The following UGGT1 variants were observed in gnomAD, a reference collection of about 807,000 sequenced individuals.
UGGT1 encodes the protein UDP-glucose:glycoprotein glucosyltransferase 1.
In UGGT1, 107 loss-of-function variants were observed where a neutral mutation model predicts 203.9. The ratio of observed to expected loss-of-function variants is 0.52; its 90% CI spans 0.45 to 0.62. The LOEUF is 0.62. UGGT1 is among the 20% of genes least tolerant of loss of function. The pLI is 0.00. For missense variants in UGGT1, 1,673 were observed against 1,867.2 expected (o/e 0.90, Z 1.92); for synonymous variants, 628 against 653.5 (o/e 0.96, Z 0.59).
intron 8 of UGGT1, among the ~76,000 whole-genome samples, chr2:128,117,646 C>G (rs953699003): frequency 1.3e-5 from 2 of 151,450 alleles, no homozygotes; most frequent in Non-Finnish European, 2.9e-5. Context: ...TGGGTTCACG[C>G]TATTCTCCTG....
rs1692246113 is a variant in UGGT1 at position 128,191,140 on chromosome 2, C to G, written c.*1398C>G. 6.6e-6 allele frequency: 1 copy of G among 152,244 alleles called. No homozygotes were observed. The highest frequency in any genetic ancestry group is 1.5e-5 in the Non-Finnish European group (1 of 68,040). 9.4% of individuals were successfully genotyped at this position (152,244 alleles called of 1,614,324 possible). A position where few individuals can be genotyped will look rare whatever the true frequency, so the allele number is the denominator to read the frequency against. On this transcript the variant is annotated 3_prime_UTR_variant, in exon 41 of 41. Transcript: ENST00000259253. ...GTCTTCCAACGTGCACCAGCCTTTT[C>G]TTACATATTTTGCCTGTTTTTAAAA...
intron 17 of UGGT1, 146 bp downstream of exon 17, chr2:128,143,371 C>A: frequency 1.0e-6 from 1 of 972,882 alleles, no homozygotes; most frequent in Non-Finnish European, 1.4e-6. Context: ...GATCACTTTT[C>A]AGTGTTTGAA....
chr2:128,116,932 C>T (rs1688129424), intron 8 of UGGT1, among the ~76,000 whole-genome samples: 1 of 151,860 alleles, frequency 6.6e-6, no homozygotes, highest in Admixed American at 6.6e-5. Flanking sequence ...TTTTTGATTG[C>T]CATAAGAGGA....
At chr2:128,146,984 CTG>C (rs1689723505) in intron 18 of UGGT1, among the ~76,000 whole-genome samples, 1 of 152,218 alleles carries the variant, frequency 6.6e-6, no homozygotes, top group Non-Finnish European at 1.5e-5. Flanking sequence ...TCGGGCCCCA[CTG>C]TGCATCAACC....
chr2:128,173,739 T>C (rs752689293), intron 29 of UGGT1, 42 bp from the exon 30 acceptor site: 2 of 1,601,822 alleles, frequency 1.2e-6, no homozygotes, highest in South Asian at 1.1e-5. Context: ...TTTATTCATG[T>C]TGTCTCTGAG....
In UGGT1 at chr2:128,107,960, T is replaced by C. The variant is rs1286522355; in HGVS notation, c.300T>C (p.His100=). ...DHDGTDYSYY[H]AILEAAFQFL... ...CAGGTACCGATTATTCCTACTATCA[T>C]GCAATATTGGAGGCTGCATTTCAGT... Residue 100 remains histidine, a synonymous_variant, in exon 4 of 41, where the codon CAT becomes CAC. Coordinates refer to ENST00000259253, the MANE Select transcript of UGGT1 (RefSeq NM_020120.4). 4.3e-6 allele frequency: 7 copies of C among 1,614,184 alleles called. No homozygotes were observed. In the East Asian group the frequency reaches 1.3e-4, roughly 31 times the overall value.
chr2:128,131,903 A>G (rs1028875401), intron 13 of UGGT1, among the ~76,000 whole-genome samples: 4 of 152,122 alleles, frequency 2.6e-5, no homozygotes, highest in African/African-American at 9.7e-5. Flanking sequence ...CTGGGATTAC[A>G]GGCGTGAGCC....
intron 11 of UGGT1, among the ~76,000 whole-genome samples, chr2:128,126,992 C>CT (rs1558772979): frequency 1.3e-5 from 2 of 151,962 alleles, no homozygotes; most frequent in Non-Finnish European, 2.9e-5. Flanking sequence ...CTGGATCAGC[C>CT]TTTTTTTATC....
At chr2:128,120,905 T>C (rs536704851) in intron 9 of UGGT1, among the ~76,000 whole-genome samples, 38 of 152,330 alleles carry the variant, frequency 2.5e-4, no homozygotes, top group African/African-American at 8.9e-4. Flanking sequence ...ATTGTAAATT[T>C]AGAAAAGGGA....
chr2:128,098,546 A>G (rs1687217721), intron 2 of UGGT1, among the ~76,000 whole-genome samples: 1 of 152,200 alleles, frequency 6.6e-6, no homozygotes, highest in South Asian at 2.1e-4. Flanking sequence ...GCTTGAGTCC[A>G]GGAATTTGAG....
chr2:128,120,331 G>T, intron 8 of UGGT1, 25 bp from the exon 9 acceptor site: 3 of 1,594,382 alleles, frequency 1.9e-6, no homozygotes, highest in Non-Finnish European at 2.6e-6. Flanking sequence ...ATAATGAAAA[G>T]GACTGATTTT....
intron 26 of UGGT1, among the ~76,000 whole-genome samples, chr2:128,166,318 G>T (rs1260132639): frequency 6.6e-6 from 1 of 152,178 alleles, no homozygotes; most frequent in Non-Finnish European, 1.5e-5. Flanking sequence ...CATACACACG[G>T]TCATATTTTT....
chr2:128,153,536 C>T (rs1690082230), intron 19 of UGGT1, among the ~76,000 whole-genome samples: 1 of 152,162 alleles, frequency 6.6e-6, no homozygotes, highest in South Asian at 2.1e-4. Context: ...TTCCCCTATC[C>T]TCTGGCAACA....
chr2:128,093,180 T>TC (rs1686950384), intron 1 of UGGT1, among the ~76,000 whole-genome samples: 1 of 152,158 alleles, frequency 6.6e-6, no homozygotes, highest in Non-Finnish European at 1.5e-5. Flanking sequence ...GCTGCATCTC[T>TC]CCCCAAGAAC....
chr2:128,132,374 C>T (rs760388975), intron 13 of UGGT1, among the ~76,000 whole-genome samples: 5 of 151,996 alleles, frequency 3.3e-5, no homozygotes, highest in Non-Finnish European at 7.4e-5. Flanking sequence ...ATGGCGAAAC[C>T]CCACCTCTAC....
intron 15 of UGGT1, among the ~76,000 whole-genome samples, chr2:128,135,948 A>G (rs950988965): frequency 6.6e-6 from 1 of 152,262 alleles, no homozygotes; most frequent in Non-Finnish European, 1.5e-5. Flanking sequence ...GATCACAACC[A>G]GAGCTATGTT....
intron 11 of UGGT1, 131 bp downstream of exon 11, chr2:128,123,377 G>C: frequency 1.2e-6 from 1 of 803,890 alleles, no homozygotes; most frequent in Non-Finnish European, 1.9e-6. Context: ...TCATTTCTGT[G>C]ATCTTTGCAT....
chr2:128,109,715 C>A lies in UGGT1; in HGVS notation c.490C>A (p.Leu164Ile). ...HGKKTCESDT[L>I]EALLLTASER... ...AAAGAAGACTTGTGAATCTGATACC[C>A]TTGAGGCTCTTCTACTGACAGCCTC... Residue 164 changes from leucine to isoleucine, a missense_variant, in exon 5 of 41, where the codon CTT (leucine) becomes ATT (isoleucine). Physicochemically the swap from Leu to Ile is conservative, Grantham distance 5. Around this residue, in one of 4 missense-constraint regions of UGGT1, gnomAD observed 1,073 missense variants for 1,078.7 expected, o/e 0.99. Transcript: ENST00000259253. The A allele has an allele frequency of 6.2e-7, 1 of 1,614,064 alleles. No homozygotes were observed. Among genetic ancestry groups the A allele is most frequent in the South Asian group, 1.1e-5 (1 of 91,076 alleles).
Position 128,091,272 on chromosome 2 carries a change from G to GCGCAGCCTGCACTGC in UGGT1, c.-82_-68dup. On this transcript the variant is annotated 5_prime_UTR_variant, in exon 1 of 41. Coordinates refer to ENST00000259253, the MANE Select transcript of UGGT1 (RefSeq NM_020120.4). ...AAAGGCGCGTGTCGGCCTCTCACTG[G>GCGCAGCCTGCACTGC]CGCAGCCTGCACTGCCGCTGCCGCC... 7.3e-7 allele frequency: 1 copy of GCGCAGCCTGCACTGC among 1,374,618 alleles called. No homozygotes were observed. The highest frequency in any genetic ancestry group is 9.6e-7 in the Non-Finnish European group (1 of 1,037,776). 85.2% of individuals were successfully genotyped at this position (1,374,618 alleles called of 1,614,324 possible). A position where few individuals can be genotyped will look rare whatever the true frequency, so the allele number is the denominator to read the frequency against.
Sources: gnomAD v4.1 joint callset for allele counts (sites outside exome capture counted in the v4.1 genomes callset) on GRCh38, gnomAD v4.1.1 for gene constraint, gnomAD v4.1.1 regional missense constraint, MANE v1.5 for transcripts, NCBI Gene and HGNC (gene_info 2026-07-23, HGNC 2026-07-21) for gene names.